The following VAV2 variants were observed in gnomAD, a reference collection of about 807,000 sequenced individuals.
The protein encoded by VAV2 is vav guanine nucleotide exchange factor 2, also known as guanine nucleotide exchange factor VAV2.
In VAV2, 67 loss-of-function variants were observed where a neutral mutation model predicts 132.5. The ratio of observed to expected loss-of-function variants is 0.51; its 90% CI spans 0.42 to 0.62. The LOEUF (loss-of-function observed/expected upper bound fraction) is 0.62. Ranked by LOEUF, VAV2 falls within the 20% of genes least tolerant of loss-of-function variation. The pLI is 0.00. For synonymous variants in VAV2, 492 were observed against 443.5 expected (o/e 1.11, Z -1.37); for missense variants, 938 against 1,153.6 (o/e 0.81, Z 2.71).
At position 133,771,862 on chromosome 9, in the gene VAV2, A is replaced by G. The variant is rs1186064723; in HGVS notation, c.2223+97T>C. 61 of 1,154,986 alleles carry G rather than the reference A, an allele frequency of 5.3e-5. No homozygotes were observed. In the East Asian group the frequency reaches 1.1e-3, roughly 21 times the overall value. The allele number at this position is 1,154,986 out of a possible 1,614,324, so 71.5% of individuals were successfully genotyped here. A position where few individuals can be genotyped will look rare whatever the true frequency, so the allele number is the denominator to read the frequency against. The stretch of plus-strand genomic sequence containing the variant: ...ATCTTGGCCACACTGGGAAGAATCA[A>G]TCCTCACAGAAAACATGGCCACTCG... On this transcript the variant is annotated intron_variant, in intron 26 of 29. Coordinates refer to ENST00000371850, the MANE Select transcript of VAV2 (RefSeq NM_001134398.2).
At chr9:133,904,103 C>T (rs758321734) in intron 2 of VAV2, among the ~76,000 whole-genome samples, 18 of 152,306 alleles carry the variant, frequency 1.2e-4, no homozygotes, top group Middle Eastern at 3.4e-3. Context: ...GCTTCCTATC[C>T]GGGTAAATTC....
At chr9:133,853,879 C>T (rs1041405999) in intron 3 of VAV2, among the ~76,000 whole-genome samples, 10 of 152,150 alleles carry the variant, frequency 6.6e-5, no homozygotes, top group African/African-American at 2.4e-4. Flanking sequence ...CTCTGGGTGC[C>T]TGCTGCTCCC....
At chr9:133,870,736 G>C (rs1364152879) in intron 2 of VAV2, among the ~76,000 whole-genome samples, 1 of 148,894 alleles carries the variant, frequency 6.7e-6, no homozygotes, top group African/African-American at 2.5e-5. Context: ...TGGATCAGCA[G>C]ATGAGTGGAC....
chr9:133,774,265 G>A (rs376078644), intron 25 of VAV2, among the ~76,000 whole-genome samples: 3 of 152,308 alleles, frequency 2.0e-5, no homozygotes. Flanking sequence ...TGCACCATGA[G>A]TGTGTGCGCC....
intron 2 of VAV2, among the ~76,000 whole-genome samples, chr9:133,874,591 C>T (rs1362525550): frequency 6.6e-6 from 1 of 152,122 alleles, no homozygotes; most frequent in Non-Finnish European, 1.5e-5. Flanking sequence ...GACCTTGAGG[C>T]CAAGGTGGGG....
chr9:133,789,308 A>T lies in VAV2; in HGVS notation c.1224T>A (p.Ile408=), dbSNP rs942857117. Residue 408 remains isoleucine, a synonymous_variant, in exon 14 of 30, where the codon ATT becomes ATA. Transcript: ENST00000371850. ...VKLEEFGRPK[I]DGELKVRSIV... is the part of the protein sequence containing the mutation. ...TGGACCGGACTTTCAGTTCCCCGTCAATCTTTGGTCTTCCAAATTCCTCCA... is the reference window on the plus strand; with the variant it reads ...TGGACCGGACTTTCAGTTCCCCGTCTATCTTTGGTCTTCCAAATTCCTCCA... 12 of 1,614,018 alleles carry T rather than the reference A, an allele frequency of 7.4e-6. No individual in the cohort carries two copies. Among genetic ancestry groups the T allele is most frequent in the Non-Finnish European group, 1.0e-5 (12 of 1,180,036 alleles).
chr9:133,921,970 C>T (rs1436027799), intron 2 of VAV2, among the ~76,000 whole-genome samples: 1 of 152,384 alleles, frequency 6.6e-6, no homozygotes, highest in African/African-American at 2.4e-5. Context: ...CTTCCCGGCA[C>T]CGGCAGGGCG....
At position 133,926,683 on chromosome 9, in the gene VAV2, C is replaced by T. The variant is rs570885587; in HGVS notation, c.321+12420G>A. ...GCAGCTCACATCTCGAACCCCAGCA[C>T]CTCCTCCAGGAAGCCCTCCTTGACT... On this transcript the variant is annotated intron_variant, in intron 2 of 29. Coordinates refer to ENST00000371850, the MANE Select transcript of VAV2 (RefSeq NM_001134398.2). The surrounding 1 kb of genome is among the most constrained non-coding windows in gnomAD (Gnocchi z 4.3). Among the ~76,000 whole-genome samples the T allele has an allele frequency of 2.6e-5, 4 of 152,288 alleles. No homozygotes were observed. In the South Asian group the frequency reaches 8.3e-4, roughly 32 times the overall value.
At chr9:133,810,351 C>T in intron 5 of VAV2, 146 bp from the exon 6 acceptor site, 1 of 1,331,804 alleles carries the variant, frequency 7.5e-7, no homozygotes. Flanking sequence ...TGCTGCCCAG[C>T]TGGGCAGGGC....
At chr9:133,933,269 T>C (rs1414024603) in intron 2 of VAV2, among the ~76,000 whole-genome samples, 6 of 152,258 alleles carry the variant, frequency 3.9e-5, no homozygotes, top group African/African-American at 1.2e-4. Context: ...TCCTCTCTCC[T>C]ACCATTAATT....
At chr9:133,798,411 C>T (rs553845659) in intron 9 of VAV2, among the ~76,000 whole-genome samples, 190 of 152,292 alleles carry the variant, frequency 1.2e-3, no homozygotes, top group Admixed American at 1.9e-3. Context: ...AGCCAGCCCT[C>T]GTGTCCTGCC....
At position 133,900,805 on chromosome 9, in the gene VAV2, T is replaced by TTATTTATG. The variant is rs1554804226; in HGVS notation, c.321+38297_321+38298insCATAAATA. On this transcript the variant is annotated intron_variant, in intron 2 of 29. Transcript: ENST00000371850. ...TTTATTTATTTATTTATTTATTTATTTATGTATTTTTGAGACAGGGTCTTG... is the reference window on the plus strand; with the variant it reads ...TTTATTTATTTATTTATTTATTTATTTATTTATGTATGTATTTTTGAGACAGGGTCTTG... Among the ~76,000 whole-genome samples, 38 of 125,650 alleles carry TTATTTATG rather than the reference T, an allele frequency of 3.0e-4. No homozygotes were observed. The South Asian group carries it at 5.2e-3, about 17-fold the overall frequency. The allele number at this position is 125,650 out of a possible 152,430, so 82.4% of individuals were successfully genotyped here. A position where few individuals can be genotyped will look rare whatever the true frequency, so the allele number is the denominator to read the frequency against.
intron 3 of VAV2, among the ~76,000 whole-genome samples, chr9:133,858,187 T>C (rs1837456777): frequency 6.6e-6 from 1 of 152,178 alleles, no homozygotes; most frequent in Non-Finnish European, 1.5e-5. Context: ...CCTGAGGCGT[T>C]GGGCCACGCA....
At chr9:133,869,301 AACG>A (rs1214665053) in intron 2 of VAV2, among the ~76,000 whole-genome samples, 1 of 152,002 alleles carries the variant, frequency 6.6e-6, no homozygotes, top group African/African-American at 2.4e-5. Flanking sequence ...TCTCTTAAAC[AACG>A]ACAACAACAA....
chr9:133,867,625 A>C (rs977744751), intron 2 of VAV2, among the ~76,000 whole-genome samples: 3 of 152,252 alleles, frequency 2.0e-5, no homozygotes, highest in African/African-American at 7.2e-5. Context: ...GGTGAAGACA[A>C]GAGTAGCAGC....
rs143405395 is a variant in VAV2, at chr9:133,973,574, C to T, written c.204+18501G>A. On this transcript the variant is annotated intron_variant, in intron 1 of 29. Transcript: ENST00000371850. ...GGAGACCCAAAGAAGCTGGCGCAGA[C>T]GAGCTGACAGTGCCCAACCCACGCA... 3.9e-5 allele frequency among the ~76,000 whole-genome samples: 6 copies of T among 152,140 alleles called. No individual in the cohort carries two copies. In the East Asian group the frequency reaches 1.2e-3, roughly 29 times the overall value.
chr9:133,908,800 G>C (rs1321270268), intron 2 of VAV2, among the ~76,000 whole-genome samples: 2 of 152,234 alleles, frequency 1.3e-5, no homozygotes, highest in African/African-American at 4.8e-5. Flanking sequence ...GCCCCCTCGG[G>C]AGCGGACTTC....
intron 4 of VAV2, among the ~76,000 whole-genome samples, chr9:133,820,356 C>T (rs188255549): frequency 8.7e-5 from 13 of 148,610 alleles, no homozygotes; most frequent in South Asian, 6.4e-4. Context: ...GACGGAGTCT[C>T]GCTGTCGCCC....
intron 1 of VAV2, among the ~76,000 whole-genome samples, chr9:133,980,576 T>C (rs1842661701): frequency 6.6e-6 from 1 of 152,202 alleles, no homozygotes; most frequent in South Asian, 2.1e-4. Flanking sequence ...GCCACCTCTC[T>C]GGAACCTTCT....
Sources: gnomAD v4.1 joint callset for allele counts (sites outside exome capture counted in the v4.1 genomes callset) on GRCh38, gnomAD v4.1.1 for gene constraint, Gnocchi (gnomAD v3.1) non-coding constraint, MANE v1.5 for transcripts, NCBI Gene and HGNC (gene_info 2026-07-23, HGNC 2026-07-21) for gene names.